RGL1: variants seen among roughly 807,000 people sequenced by gnomAD.
RGL1 encodes ral guanine nucleotide dissociation stimulator like 1.
A neutral mutation model predicts 95.2 loss-of-function variants in RGL1; 24 were observed. That is an observed-to-expected ratio of 0.25 (90% CI 0.18 to 0.35). The LOEUF (loss-of-function observed/expected upper bound fraction) is 0.35, where lower values mean the gene tolerates loss of function less well. Among genes scored for constraint, RGL1 ranks in the 10% least tolerant of loss-of-function variants. The probability of loss-of-function intolerance (pLI) is 1.00; values close to 1 mark genes in which losing one functional copy is unlikely to be tolerated. For missense variants in RGL1, 715 were observed against 936.3 expected (o/e 0.76, Z 3.08); for synonymous variants, 329 against 344.9 (o/e 0.95, Z 0.51).
rs932574243 is a variant in RGL1, at chr1:183,907,378, C to G, written c.1562+277C>G. Among the ~76,000 whole-genome samples, 3 of 144,888 alleles carry G rather than the reference C, an allele frequency of 2.1e-5. No homozygotes were observed. The Admixed American group carries it at 2.1e-4, about 10-fold the overall frequency. Reference sequence around the variant, plus strand: ...TGCCCCTTACCCAACCATTCATTCTCCACTAAATAGCTAGGTTGTCTTTTA... The same window carrying G: ...TGCCCCTTACCCAACCATTCATTCTGCACTAAATAGCTAGGTTGTCTTTTA... On this transcript the variant is annotated intron_variant, in intron 14 of 17. Coordinates refer to ENST00000360851, the MANE Select transcript of RGL1 (RefSeq NM_001297671.3).
At chr1:183,782,220 C>T (rs536615912) in intron 2 of RGL1, among the ~76,000 whole-genome samples, 12 of 152,294 alleles carry the variant, frequency 7.9e-5, no homozygotes, top group Admixed American at 2.0e-4. Flanking sequence ...AAAACATAGC[C>T]CAGGAAACAG....
intron 4 of RGL1, among the ~76,000 whole-genome samples, chr1:183,869,165 C>G (rs1255572757): frequency 6.6e-6 from 1 of 152,084 alleles, no homozygotes; most frequent in African/African-American, 2.4e-5. Context: ...CTTCTCTGTC[C>G]CATGAGGTGT....
intron 1 of RGL1, chr1:183,647,867 A>G (rs1393120665): frequency 1.2e-6 from 2 of 1,614,120 alleles, no homozygotes; most frequent in African/African-American, 1.3e-5. Context: ...TTTGGCCCAT[A>G]TGCATTGGTG....
At chr1:183,774,299 A>T (rs1282483592) in intron 2 of RGL1, among the ~76,000 whole-genome samples, 1 of 152,220 alleles carries the variant, frequency 6.6e-6, no homozygotes, top group Non-Finnish European at 1.5e-5. Flanking sequence ...GAAGACATAT[A>T]AATAAATGTT....
intron 2 of RGL1, chr1:183,742,400 A>G: frequency 1.6e-6 from 2 of 1,215,756 alleles, no homozygotes; most frequent in South Asian, 2.7e-5. Flanking sequence ...ATCTTTATTC[A>G]GGGGCTGTAG....
chr1:183,884,079 C>G (rs1050821562), intron 6 of RGL1, among the ~76,000 whole-genome samples, 169 bp downstream of exon 6: 1 of 152,232 alleles, frequency 6.6e-6, no homozygotes, highest in African/African-American at 2.4e-5. Flanking sequence ...AATCAATCAT[C>G]TGAATAATTC....
upstream of RGL1, among the ~76,000 whole-genome samples, chr1:183,802,491 G>A (rs776720820): frequency 4.6e-4 from 69 of 150,478 alleles, no homozygotes; most frequent in Non-Finnish European, 7.8e-4. Context: ...TTGGGATTTC[G>A]GAAGGGATTG....
At chr1:183,887,198 C>CCTGT (rs1667166042) in intron 7 of RGL1, among the ~76,000 whole-genome samples, 1 of 444 alleles carries the variant, frequency 2.3e-3, no homozygotes, top group Non-Finnish European at 4.5e-3. Context: ...CTCCCTCCTT[C>CCTGT]CCCTCCTTCT....
chr1:183,772,348 T>C (rs926811048), intron 2 of RGL1, among the ~76,000 whole-genome samples: 2 of 152,144 alleles, frequency 1.3e-5, no homozygotes, highest in Non-Finnish European at 2.9e-5. Context: ...CCCTAGAGGT[T>C]TGAGCAGCAG....
Position 183,927,172 on chromosome 1 carries a change from C to T in RGL1, c.*880C>T, listed in dbSNP as rs1044288705. On this transcript the variant is annotated 3_prime_UTR_variant, in exon 18 of 18. Transcript: ENST00000360851. ...AAAAGAAAGCGCAAAAGAATGGTGA[C>T]TCATTTGGACTCTTATCTGTCTTGG... 1 of 152,588 alleles carries T rather than the reference C, an allele frequency of 6.6e-6. No homozygotes were observed. The highest frequency in any genetic ancestry group is 1.5e-5 in the Non-Finnish European group (1 of 68,028). The allele number at this position is 152,588 out of a possible 1,614,324, so 9.5% of individuals were successfully genotyped here. A position where few individuals can be genotyped will look rare whatever the true frequency, so the allele number is the denominator to read the frequency against.
At chr1:183,901,020 G>T (rs1667985688) in intron 11 of RGL1, among the ~76,000 whole-genome samples, 1 of 151,062 alleles carries the variant, frequency 6.6e-6, no homozygotes, top group Non-Finnish European at 1.5e-5. Flanking sequence ...CAAAAATTAG[G>T]CTGGGTGTGG....
chr1:183,794,081 C>G (rs1006544767), intron 2 of RGL1, among the ~76,000 whole-genome samples: 16 of 151,862 alleles, frequency 1.1e-4, no homozygotes, highest in Non-Finnish European at 2.9e-5. Flanking sequence ...CACACACACA[C>G]ACACACACAC....
intron 1 of RGL1, among the ~76,000 whole-genome samples, chr1:183,688,322 G>T (rs557978069): frequency 1.3e-5 from 2 of 152,160 alleles, no homozygotes; most frequent in African/African-American, 2.4e-5. Flanking sequence ...GGAAATTTTT[G>T]CTTGCTTATG....
exon 2 of RGL1, chr1:183,742,261 G>A (rs764156252): frequency 2.0e-5 from 32 of 1,613,936 alleles, no homozygotes; most frequent in Non-Finnish European, 2.3e-5. Context: ...GATCATGTTC[G>A]AATATGGGAA....
At chr1:183,871,058 G>A (rs1348749065) in intron 4 of RGL1, among the ~76,000 whole-genome samples, 1 of 152,178 alleles carries the variant, frequency 6.6e-6, no homozygotes. Context: ...GTCCTTTTAA[G>A]TTCAGTGATG....
chr1:183,903,260 A>G (rs186123672), intron 12 of RGL1, among the ~76,000 whole-genome samples: 16 of 152,292 alleles, frequency 1.1e-4, no homozygotes, highest in African/African-American at 3.6e-4. Flanking sequence ...CGAGAGAGGA[A>G]AGGAAATGGC....
At chr1:183,764,102 G>A (rs1270795451) in intron 2 of RGL1, among the ~76,000 whole-genome samples, 6 of 152,134 alleles carry the variant, frequency 3.9e-5, no homozygotes, top group Non-Finnish European at 5.9e-5. Flanking sequence ...TATTTGCAGG[G>A]GAGACCAGAT....
chr1:183,778,592 A>T (rs1373825338), intron 2 of RGL1, among the ~76,000 whole-genome samples: 1 of 152,174 alleles, frequency 6.6e-6, no homozygotes, highest in African/African-American at 2.4e-5. Flanking sequence ...GGGAGGCTTG[A>T]TAGCCCATGG....
At chr1:183,832,192 G>T (rs1020025767) in intron 2 of RGL1, among the ~76,000 whole-genome samples, 3 of 152,196 alleles carry the variant, frequency 2.0e-5, no homozygotes, top group African/African-American at 7.2e-5. Flanking sequence ...TGAGGAATGA[G>T]AATGAAGTGG....
Sources: allele counts gnomAD v4.1 joint callset (sites outside exome capture counted in the v4.1 genomes callset), GRCh38; gene constraint gnomAD v4.1.1; transcripts MANE v1.5; gene names NCBI Gene and HGNC (gene_info 2026-07-23, HGNC 2026-07-21).